The following ROBO2 variants were observed in gnomAD, a reference collection of about 807,000 sequenced individuals.
The protein encoded by ROBO2 is roundabout guidance receptor 2.
Under a neutral mutation model 160.8 loss-of-function variants are expected in ROBO2, and 53 were observed. That is an observed-to-expected ratio of 0.33 (90% confidence interval 0.26 to 0.41). ROBO2 has a LOEUF of 0.41. ROBO2 is among the 10% of genes least tolerant of loss of function. The pLI, the probability that ROBO2 is intolerant of heterozygous loss-of-function variation, is 1.00. For missense variants in ROBO2, 1,577 were observed against 1,722.4 expected, an observed-to-expected ratio of 0.92 and a Z score of 1.49; for synonymous variants, 664 against 611.7, an observed-to-expected ratio of 1.09 and a Z score of -1.26.
chr3:76,172,595 C>A (rs377534025), intron 2 of ROBO2, among the ~76,000 whole-genome samples: 1 of 151,970 alleles, frequency 6.6e-6, no homozygotes, highest in Admixed American at 6.6e-5. Context: ...TCTAAACGTT[C>A]ACTATACAAT....
chr3:77,635,289 G>A (rs769542563), intron 24 of ROBO2, among the ~76,000 whole-genome samples: 5 of 137,094 alleles, frequency 3.6e-5, no homozygotes, highest in Non-Finnish European at 6.3e-5. Flanking sequence ...TTTTTTTTTT[G>A]CCATTCTGGC....
intron 5 of ROBO2, among the ~76,000 whole-genome samples, chr3:77,503,144 T>G (rs1039481620): frequency 2.6e-5 from 4 of 152,076 alleles, no homozygotes; most frequent in African/African-American, 7.2e-5. Flanking sequence ...ACGATGTGCT[T>G]ATTTCCCACT....
chr3:76,132,134 G>A (rs1001609094), intron 2 of ROBO2, among the ~76,000 whole-genome samples: 1 of 152,074 alleles, frequency 6.6e-6, no homozygotes, highest in Non-Finnish European at 1.5e-5. Flanking sequence ...GCAGCAAAAG[G>A]ATACAAAATA....
chr3:76,093,503 A>AATATC (rs56658264), intron 2 of ROBO2, among the ~76,000 whole-genome samples: 1 of 148,048 alleles, frequency 6.8e-6, no homozygotes, highest in Admixed American at 6.8e-5. Flanking sequence ...AATATAAAAT[A>AATATC]TTTATACATA....
intron 6 of ROBO2, among the ~76,000 whole-genome samples, chr3:77,542,933 T>A (rs1329922291): frequency 6.6e-6 from 1 of 152,206 alleles, no homozygotes; most frequent in Non-Finnish European, 1.5e-5. Context: ...ATGTTACACT[T>A]GTTTAGCAGA....
At chr3:77,638,953 A>G (rs1189347152) in intron 24 of ROBO2, among the ~76,000 whole-genome samples, 1 of 150,776 alleles carries the variant, frequency 6.6e-6, no homozygotes, top group African/African-American at 2.4e-5. Context: ...CAGTCTCCCA[A>G]GTAGCTGGGA....
intron 2 of ROBO2, among the ~76,000 whole-genome samples, chr3:77,241,543 C>T (rs979685384): frequency 6.6e-6 from 1 of 152,152 alleles, no homozygotes; most frequent in Non-Finnish European, 1.5e-5. Context: ...AAGTGACTTT[C>T]CACAGTTTTC....
At chr3:77,015,938 T>G (rs2062212209) in intron 2 of ROBO2, among the ~76,000 whole-genome samples, 1 of 152,176 alleles carries the variant, frequency 6.6e-6, no homozygotes, top group Non-Finnish European at 1.5e-5. Context: ...TTGTTTTTCC[T>G]TCTCACTATC....
chr3:75,962,065 A>G (rs779410413), intron 2 of ROBO2, among the ~76,000 whole-genome samples: 17 of 151,664 alleles, frequency 1.1e-4, no homozygotes, highest in Non-Finnish European at 1.9e-4. Context: ...CTAAGAATGT[A>G]TATTTTGAAA....
chr3:76,797,662 C>T (rs2063807185), intron 2 of ROBO2, among the ~76,000 whole-genome samples: 1 of 151,500 alleles, frequency 6.6e-6, no homozygotes, highest in South Asian at 2.1e-4. Flanking sequence ...ATAAAAGCAA[C>T]AAGCTTTTAG....
In ROBO2 at chr3:75,968,304, G is replaced by C. The variant is rs141135883; in HGVS notation, c.109+30702G>C. On this transcript the variant is annotated intron_variant, in intron 2 of 26. Coordinates refer to the ROBO2 transcript ENST00000487694. ...CATTTATCATGTCCCCTCAGGCTTT[G>C]CTGGTGAGTCTACATTTATCAGGTT... Among the ~76,000 whole-genome samples the C allele has an allele frequency of 4.6e-4, 70 of 151,538 alleles. No homozygotes were observed. The East Asian group carries it at 0.014, about 29-fold the overall frequency.
At chr3:77,610,741 C>CAAAAAAAAAAAAAAAAAAAAAAAA (rs71629658) in intron 21 of ROBO2, among the ~76,000 whole-genome samples, 9 of 19,830 alleles carry the variant, frequency 4.5e-4, no homozygotes, top group African/African-American at 6.1e-4. Context: ...GGCCAAAGAC[C>CAAAAAAAAAAAAAAAAAAAAAAAA]AAAAAAAAAA....
chr3:75,943,461 C>G (rs1018114941), intron 2 of ROBO2, among the ~76,000 whole-genome samples: 4 of 152,026 alleles, frequency 2.6e-5, no homozygotes, highest in African/African-American at 9.7e-5. Context: ...TACAAGCACT[C>G]AATTTGGAAT....
At chr3:76,211,124 A>G (rs890607257) in intron 2 of ROBO2, among the ~76,000 whole-genome samples, 6 of 152,008 alleles carry the variant, frequency 3.9e-5, no homozygotes, top group Admixed American at 3.3e-4. Context: ...CCAAACCTCA[A>G]CACCAGCCTA....
intron 2 of ROBO2, among the ~76,000 whole-genome samples, chr3:76,222,548 C>T (rs1420664774): frequency 1.3e-5 from 2 of 149,576 alleles, no homozygotes; most frequent in African/African-American, 4.9e-5. Flanking sequence ...CAGCAGGAGA[C>T]TGCCTTTCCC....
chr3:76,555,477 A>G (rs935476724), intron 2 of ROBO2, among the ~76,000 whole-genome samples: 1 of 152,056 alleles, frequency 6.6e-6, no homozygotes, highest in Non-Finnish European at 1.5e-5. Flanking sequence ...AAGAAAAAAT[A>G]GATCCCTCTC....
chr3:76,729,627 G>GTC (rs10662099), intron 2 of ROBO2, among the ~76,000 whole-genome samples: 1 of 146,120 alleles, frequency 6.8e-6, no homozygotes. Context: ...TTTCTTTTCT[G>GTC]TCTCTCTCTC....
At chr3:75,907,172 A>C (rs1946382918) in intron 1 of ROBO2, among the ~76,000 whole-genome samples, 1 of 152,168 alleles carries the variant, frequency 6.6e-6, no homozygotes, top group Non-Finnish European at 1.5e-5. Flanking sequence ...GAATTAGCTT[A>C]AGTGAATGGG....
chr3:77,605,225 T>A (rs2094503795), intron 20 of ROBO2, among the ~76,000 whole-genome samples: 1 of 150,306 alleles, frequency 6.7e-6, no homozygotes, highest in Admixed American at 6.7e-5. Context: ...TACACACAAA[T>A]TAAAGAGTTT....
Sources: allele counts gnomAD v4.1 joint callset (sites outside exome capture counted in the v4.1 genomes callset), GRCh38; gene constraint gnomAD v4.1.1; transcripts MANE v1.5; gene names NCBI Gene and HGNC (gene_info 2026-07-23, HGNC 2026-07-21).